The following CADM2 variants were observed in gnomAD, a reference collection of about 807,000 sequenced individuals.
CADM2 encodes immunoglobulin superfamily member 4D.
A neutral mutation model predicts 49.8 loss-of-function variants in CADM2; 12 were observed. The observed-to-expected ratio is 0.24, with a 90% CI of 0.15 to 0.39. The LOEUF is 0.39. Ranked by LOEUF, CADM2 falls within the 10% of genes least tolerant of loss-of-function variation. The pLI is 1.00. For missense variants in CADM2, 378 were observed against 492.3 expected, an observed-to-expected ratio of 0.77 and a Z score of 2.20; for synonymous variants, 214 against 175.4, an observed-to-expected ratio of 1.22 and a Z score of -1.74.
At chr3:85,196,627 C>G (rs1277245546) in intron 1 of CADM2, among the ~76,000 whole-genome samples, 2 of 151,924 alleles carry the variant, frequency 1.3e-5, no homozygotes, top group Admixed American at 1.3e-4. Context: ...TTTTGAAGTA[C>G]ATGAAGGCTT....
At chr3:85,320,029 A>G (rs542521544) in intron 1 of CADM2, among the ~76,000 whole-genome samples, 1 of 152,314 alleles carries the variant, frequency 6.6e-6, no homozygotes, top group East Asian at 1.9e-4. Flanking sequence ...AATCCGTAGA[A>G]AATTACCTCA....
At chr3:85,157,635 A>T (rs1490628382) in intron 1 of CADM2, among the ~76,000 whole-genome samples, 1 of 152,146 alleles carries the variant, frequency 6.6e-6, no homozygotes, top group Admixed American at 6.6e-5. Flanking sequence ...CTGGCTAGCC[A>T]TATGTAGAAA....
chr3:85,135,536 C>T (rs1047588034), intron 1 of CADM2, among the ~76,000 whole-genome samples: 1 of 152,024 alleles, frequency 6.6e-6, no homozygotes, highest in Admixed American at 6.6e-5. Context: ...TAGTACTCAT[C>T]ATTGTAATCA....
At chr3:85,690,091 AT>A (rs970951275) in intron 1 of CADM2, among the ~76,000 whole-genome samples, 4 of 151,966 alleles carry the variant, frequency 2.6e-5, no homozygotes, top group Admixed American at 2.0e-4. Flanking sequence ...TTGTTTCATA[AT>A]TTTTTTTATC....
chr3:85,547,972 A>T (rs1235346027), intron 1 of CADM2, among the ~76,000 whole-genome samples: 3 of 152,068 alleles, frequency 2.0e-5, no homozygotes, highest in Non-Finnish European at 4.4e-5. Flanking sequence ...GATAACTGCT[A>T]CACAATATGG....
At chr3:85,988,739 G>T (rs1283991179) in intron 8 of CADM2, among the ~76,000 whole-genome samples, 1 of 152,050 alleles carries the variant, frequency 6.6e-6, no homozygotes, top group Admixed American at 6.6e-5. Context: ...TGTTCAAATG[G>T]TTCAGTTATA....
intron 1 of CADM2, among the ~76,000 whole-genome samples, chr3:85,714,118 T>G (rs1192172518): frequency 1.3e-5 from 2 of 152,232 alleles, no homozygotes; most frequent in African/African-American, 4.8e-5. Context: ...CCTTTGGATC[T>G]CCTGGGAATT....
chr3:85,173,861 A>C (rs2040702972), intron 1 of CADM2, among the ~76,000 whole-genome samples: 1 of 152,074 alleles, frequency 6.6e-6, no homozygotes, highest in South Asian at 2.1e-4. Flanking sequence ...TATTTTGTTT[A>C]TGTCTAAATC....
chr3:85,185,100 A>G (rs1333447487), intron 1 of CADM2, among the ~76,000 whole-genome samples: 1 of 152,090 alleles, frequency 6.6e-6, no homozygotes, highest in Non-Finnish European at 1.5e-5. Context: ...TTCTGAGACA[A>G]TATATTGCAG....
Position 86,071,885 on chromosome 3 carries a change from T to A in CADM2, c.*5102T>A, listed in dbSNP as rs1703297773. On this transcript the variant is annotated 3_prime_UTR_variant, in exon 10 of 10. Transcript: ENST00000383699. ...AAAATGGCAACACTTTGCGATCCAA[T>A]CTGATATTTAATTTTTAAAATGTAA... 6.6e-6 allele frequency: 1 copy of A among 152,018 alleles called. No individual in the cohort carries two copies. The highest frequency in any genetic ancestry group is 6.6e-5 in the Admixed American group (1 of 15,220). 9.4% of individuals were successfully genotyped at this position (152,018 alleles called of 1,614,324 possible).
At chr3:85,107,689 CTTTCTTTCTCTTTCT>C (rs2038297471) in intron 1 of CADM2, among the ~76,000 whole-genome samples, 2 of 109,082 alleles carry the variant, frequency 1.8e-5, no homozygotes, top group African/African-American at 3.6e-5. Flanking sequence ...CTTTCTCTTT[CTTTCTTTCTCTTTCT>C]TTTTTTTTTT....
At chr3:85,282,777 A>C (rs746561977) in intron 1 of CADM2, among the ~76,000 whole-genome samples, 2 of 152,062 alleles carry the variant, frequency 1.3e-5, no homozygotes, top group Non-Finnish European at 2.9e-5. Context: ...GTAATACCTA[A>C]AATATATAAG....
At chr3:85,468,067 T>G (rs1405748822) in intron 1 of CADM2, among the ~76,000 whole-genome samples, 1 of 133,920 alleles carries the variant, frequency 7.5e-6, no homozygotes, top group African/African-American at 2.8e-5. Context: ...GGCAGGAGAA[T>G]GGCGTGAACC....
At chr3:85,111,147 G>A (rs774082108) in intron 1 of CADM2, among the ~76,000 whole-genome samples, 3 of 151,698 alleles carry the variant, frequency 2.0e-5, no homozygotes, top group African/African-American at 7.3e-5. Flanking sequence ...TTTCCTTCTT[G>A]TTAATATTTC....
chr3:85,407,108 G>A (rs2035420575), intron 1 of CADM2, among the ~76,000 whole-genome samples: 1 of 152,110 alleles, frequency 6.6e-6, no homozygotes, highest in African/African-American at 2.4e-5. Context: ...AGTCTAAGGT[G>A]GGAGGATCTC....
At chr3:86,040,967 T>C (rs1236187747) in intron 8 of CADM2, among the ~76,000 whole-genome samples, 1 of 152,148 alleles carries the variant, frequency 6.6e-6, no homozygotes, top group Non-Finnish European at 1.5e-5. Flanking sequence ...CAGAATTTCA[T>C]ATCCAGCCAA....
At position 85,911,394 on chromosome 3, in the gene CADM2, G is replaced by A. The variant is rs978108343; in HGVS notation, c.530-979G>A. Among the ~76,000 whole-genome samples, 3 of 152,294 alleles carry A rather than the reference G, an allele frequency of 2.0e-5. No individual in the cohort carries two copies. In the South Asian group the frequency reaches 6.2e-4, roughly 32 times the overall value. On this transcript the variant is annotated intron_variant, in intron 5 of 9. Coordinates refer to ENST00000383699, the MANE Select transcript of CADM2 (RefSeq NM_001167675.2). ...TAACGATGGATCTAAATCATGCACA[G>A]CAAGTTTAAATATCGATAAATGAAT...
At chr3:85,473,141 C>T (rs2038837848) in intron 1 of CADM2, among the ~76,000 whole-genome samples, 1 of 152,032 alleles carries the variant, frequency 6.6e-6, no homozygotes, top group Admixed American at 6.6e-5. Flanking sequence ...CAATGTGTTA[C>T]TTTCCTTTGA....
At chr3:85,512,262 G>A (rs569033393) in intron 1 of CADM2, among the ~76,000 whole-genome samples, 41 of 152,150 alleles carry the variant, frequency 2.7e-4, no homozygotes, top group African/African-American at 9.9e-4. Context: ...GTGAGAACAG[G>A]CTATATTTAG....
Sources: gnomAD v4.1 joint callset for allele counts (sites outside exome capture counted in the v4.1 genomes callset) on GRCh38, gnomAD v4.1.1 for gene constraint, MANE v1.5 for transcripts, NCBI Gene and HGNC (gene_info 2026-07-23, HGNC 2026-07-21) for gene names.